TRPM7: variants seen among roughly 807,000 people sequenced by gnomAD.
TRPM7 encodes transient receptor potential cation channel subfamily M member 7.
In TRPM7, 134 loss-of-function variants were observed where a neutral mutation model predicts 229.7. The observed-to-expected ratio is 0.58, with a 90% CI of 0.51 to 0.67. The LOEUF (loss-of-function observed/expected upper bound fraction) is 0.67, where lower values mean the gene tolerates loss of function less well. TRPM7 is among the 30% of genes least tolerant of loss of function. The pLI is 0.00. For missense variants in TRPM7, 1,901 were observed against 2,210.0 expected, an observed-to-expected ratio of 0.86 and a Z score of 2.80; for synonymous variants, 699 against 715.2, an observed-to-expected ratio of 0.98 and a Z score of 0.36.
intron 36 of TRPM7, among the ~76,000 whole-genome samples, chr15:50,572,747 G>A (rs1566939572): frequency 6.6e-6 from 1 of 152,150 alleles, no homozygotes; most frequent in South Asian, 2.1e-4. Context: ...ACTGAAAAAA[G>A]TATAGTTGTT....
At chr15:50,589,468 A>C (rs1399299686) in intron 27 of TRPM7, 124 bp downstream of exon 27, 1 of 633,814 alleles carries the variant, frequency 1.6e-6, no homozygotes, top group Admixed American at 3.6e-5. Flanking sequence ...ATTTGGTATC[A>C]GCATGTTAAT....
At chr15:50,626,108 T>A (rs1406282148) in intron 11 of TRPM7, among the ~76,000 whole-genome samples, 1 of 152,220 alleles carries the variant, frequency 6.6e-6, no homozygotes, top group Non-Finnish European at 1.5e-5. Flanking sequence ...TTAGTATGTA[T>A]AACTGCAGCA....
Position 50,561,670 on chromosome 15 carries a change from T to C in TRPM7, c.*8A>G, listed in dbSNP as rs1240253918. 1 of 1,603,248 alleles carries C rather than the reference T, an allele frequency of 6.2e-7. No homozygotes were observed. Among genetic ancestry groups the C allele is most frequent in the Non-Finnish European group, 8.5e-7 (1 of 1,177,518 alleles). On this transcript the variant is annotated 3_prime_UTR_variant, in exon 39 of 39. Transcript: ENST00000646667. Reference sequence around the variant, plus strand: ...GCAGGCAAAACCAATGATTCAGTAATATTAATATTATAACATCAGACGAAC... The same window carrying C: ...GCAGGCAAAACCAATGATTCAGTAACATTAATATTATAACATCAGACGAAC...
Position 50,583,162 on chromosome 15 carries a change from A to G in TRPM7, c.4487-3T>C. 1 of 1,593,268 alleles carries G rather than the reference A, an allele frequency of 6.3e-7. No individual in the cohort carries two copies. Among genetic ancestry groups the G allele is most frequent in the Non-Finnish European group, 8.5e-7 (1 of 1,171,608 alleles). Reference sequence around the variant, plus strand: ...TGGCCTTCTACTGATTTTTTCTGCTAAAAGAAAATTAAAAAATATAAAAAA... The same window carrying G: ...TGGCCTTCTACTGATTTTTTCTGCTGAAAGAAAATTAAAAAATATAAAAAA... On this transcript the variant is annotated splice_region_variant and splice_polypyrimidine_tract_variant and intron_variant, in intron 28 of 38. Coordinates refer to ENST00000646667, the MANE Select transcript of TRPM7 (RefSeq NM_017672.6).
chr15:50,594,367 C>G (rs991593453), intron 24 of TRPM7, 62 bp downstream of exon 24: 2 of 1,378,516 alleles, frequency 1.5e-6, no homozygotes. Context: ...CAATATATAG[C>G]CTTTGGTGTA....
chr15:50,585,050 A>ATTTTTTTTTTTTT (rs755433337), intron 28 of TRPM7, among the ~76,000 whole-genome samples: 2 of 95,058 alleles, frequency 2.1e-5, no homozygotes, highest in African/African-American at 4.1e-5. Flanking sequence ...TAATTTTTGT[A>ATTTTTTTTTTTTT]TTTTTTTTTT....
chr15:50,660,971 A>G (rs1008691901), intron 2 of TRPM7, among the ~76,000 whole-genome samples: 1 of 150,772 alleles, frequency 6.6e-6, no homozygotes, highest in Non-Finnish European at 1.5e-5. Context: ...AATATTAACT[A>G]CCATTCCTTT....
intron 25 of TRPM7, among the ~76,000 whole-genome samples, chr15:50,593,021 T>G (rs889886734): frequency 6.6e-6 from 1 of 152,158 alleles, no homozygotes; most frequent in African/African-American, 2.4e-5. Flanking sequence ...CCAGGCACAG[T>G]GGCTCACGTC....
intron 1 of TRPM7, among the ~76,000 whole-genome samples, chr15:50,679,514 ATATATATATAT>A: frequency 1.1e-5 from 1 of 89,554 alleles, no homozygotes; most frequent in East Asian, 2.5e-4. Flanking sequence ...TATATATAAT[ATATATATATAT>A]ATATATATAT....
intron 21 of TRPM7, chr15:50,604,665 T>G (rs2059875961): frequency 2.1e-6 from 1 of 467,436 alleles, no homozygotes; most frequent in Admixed American, 3.8e-5. Context: ...GCTAACATTA[T>G]CTTGCAAAGC....
rs145567702 is a variant in TRPM7 at position 50,583,125 on chromosome 15, G to A, written c.4521C>T (p.Asp1507=). The A allele has an allele frequency of 1.1e-5, 18 of 1,608,026 alleles. No individual in the cohort carries two copies. In the Admixed American group the frequency reaches 2.0e-4, roughly 18 times the overall value. ...CTGCTTTGGAATCTACTTCATGAGT[G>A]TCTTCGGTAGATGGCCTTCTACTGA... ...EKISRRPSTE[D]THEVDSKAAL... is the part of the protein sequence containing the mutation. Residue 1507 remains aspartate (D), a synonymous_variant, in exon 29 of 39, where the codon GAC becomes GAT. Transcript: ENST00000646667.
At chr15:50,657,927 T>A in intron 2 of TRPM7, 108 bp from the exon 3 acceptor site, 1 of 764,868 alleles carries the variant, frequency 1.3e-6, no homozygotes, top group Non-Finnish European at 2.1e-6. Flanking sequence ...ATACCTAGTT[T>A]AATTTTTCAG....
chr15:50,612,477 A>C (rs2060087365), intron 16 of TRPM7, 72 bp downstream of exon 16: 1 of 1,358,832 alleles, frequency 7.4e-7, no homozygotes. Context: ...AGTACGTGGC[A>C]CTGTAACAGC....
chr15:50,676,325 C>T (rs886904936), intron 1 of TRPM7, among the ~76,000 whole-genome samples: 1 of 152,108 alleles, frequency 6.6e-6, no homozygotes, highest in Admixed American at 6.5e-5. Context: ...CAAATACATT[C>T]TATGATTATA....
rs1198354004 is a variant in TRPM7 at position 50,587,074 on chromosome 15, C to G, written c.4390-586G>C. Among the ~76,000 whole-genome samples, 8 of 152,032 alleles carry G rather than the reference C, an allele frequency of 5.3e-5. No homozygotes were observed. The East Asian group carries it at 1.5e-3, about 29-fold the overall frequency. On this transcript the variant is annotated intron_variant, in intron 27 of 38. Coordinates refer to ENST00000646667, the MANE Select transcript of TRPM7 (RefSeq NM_017672.6). ...CTCACAAAAAAGTTGGAAAAATATA[C>G]AAAACTGTGGAGAAAAAACGCAATC...
intron 4 of TRPM7, among the ~76,000 whole-genome samples, chr15:50,646,809 ATAT>A (rs2061278991): frequency 6.6e-6 from 1 of 152,202 alleles, no homozygotes; most frequent in African/African-American, 2.4e-5. Flanking sequence ...TGGTTCCCTA[ATAT>A]TATAATACCA....
At chr15:50,564,227 T>A (rs932648453) in intron 38 of TRPM7, among the ~76,000 whole-genome samples, 1 of 122,196 alleles carries the variant, frequency 8.2e-6, no homozygotes, top group African/African-American at 3.0e-5. Context: ...TCAGCCTGGG[T>A]GACAGAGTGA....
chr15:50,668,084 T>G (rs2061921780), intron 1 of TRPM7, among the ~76,000 whole-genome samples: 1 of 152,240 alleles, frequency 6.6e-6, no homozygotes, highest in South Asian at 2.1e-4. Flanking sequence ...AGACTTTTTG[T>G]CATCAACATA....
intron 13 of TRPM7, among the ~76,000 whole-genome samples, chr15:50,618,107 T>C (rs964315155): frequency 1.3e-5 from 2 of 152,192 alleles, no homozygotes; most frequent in Admixed American, 1.3e-4. Context: ...AACAAAACTG[T>C]ATTGAATACC....
Sources: gnomAD v4.1 joint callset for allele counts (sites outside exome capture counted in the v4.1 genomes callset) on GRCh38, gnomAD v4.1.1 for gene constraint, MANE v1.5 for transcripts, NCBI Gene and HGNC (gene_info 2026-07-23, HGNC 2026-07-21) for gene names.